RIC1: variants seen among roughly 807,000 people sequenced by gnomAD.
RIC1 encodes the protein RIC1 partner of RAB6A GEF complex, also known as guanine nucleotide exchange factor subunit RIC1.
In RIC1, 88 loss-of-function variants were observed where a neutral mutation model predicts 169.0. The observed-to-expected ratio is 0.52, with a 90% CI of 0.44 to 0.62. The LOEUF (loss-of-function observed/expected upper bound fraction) is 0.62, where lower values mean the gene tolerates loss of function less well. RIC1 is among the 20% of genes least tolerant of loss of function. The pLI, the probability that RIC1 is intolerant of heterozygous loss-of-function variation, is 0.00. For missense variants in RIC1, 1,877 were observed against 1,725.5 expected (o/e 1.09, Z -1.56); for synonymous variants, 790 against 601.5 (o/e 1.31, Z -4.59).
In RIC1 at chr9:5,732,482, A is replaced by G; in HGVS notation, c.812+3A>G. 6.3e-7 allele frequency: 1 copy of G among 1,594,638 alleles called. No individual in the cohort carries two copies. Among genetic ancestry groups the G allele is most frequent in the Non-Finnish European group, 8.6e-7 (1 of 1,168,672 alleles). On this transcript the variant is annotated splice_donor_region_variant and intron_variant, in intron 7 of 25. Transcript: ENST00000414202. ...CTAATGGCATTTGGCTGTGTGAGGT[A>G]TAATTGATGTAGGCTTTTGCATTTT...
chr9:5,637,622 C>T (rs866186667), intron 1 of RIC1, among the ~76,000 whole-genome samples: 13 of 152,316 alleles, frequency 8.5e-5, no homozygotes, highest in Admixed American at 2.6e-4. Flanking sequence ...TTACCTTTCT[C>T]AGCCTCTGGT....
intron 2 of RIC1, among the ~76,000 whole-genome samples, chr9:5,659,640 A>G (rs1358281695): frequency 2.0e-5 from 3 of 152,188 alleles, no homozygotes; most frequent in Non-Finnish European, 2.9e-5. Context: ...CTTCCAGCCT[A>G]TGAACATGCA....
intron 3 of RIC1, among the ~76,000 whole-genome samples, chr9:5,695,896 C>G (rs1199739730): frequency 6.6e-6 from 1 of 152,030 alleles, no homozygotes; most frequent in Non-Finnish European, 1.5e-5. Flanking sequence ...ATGTCAGATT[C>G]ATGTCTAAAC....
chr9:5,660,257 G>A (rs577178993), intron 2 of RIC1, among the ~76,000 whole-genome samples: 8 of 152,152 alleles, frequency 5.3e-5, no homozygotes, highest in African/African-American at 1.9e-4. Context: ...GTCTATCATC[G>A]GGGGACATTC....
At chr9:5,724,800 A>C (rs558393464) in intron 6 of RIC1, among the ~76,000 whole-genome samples, 1 of 152,306 alleles carries the variant, frequency 6.6e-6, no homozygotes, top group Non-Finnish European at 1.5e-5. Flanking sequence ...CCTTTTCTGC[A>C]TCTATTGAGA....
chr9:5,645,061 A>G (rs895184059), intron 1 of RIC1, among the ~76,000 whole-genome samples: 13 of 152,144 alleles, frequency 8.5e-5, no homozygotes, highest in African/African-American at 2.7e-4. Flanking sequence ...CGCTATACCT[A>G]TGTAGTTAAT....
chr9:5,765,879 A>C lies in RIC1; in HGVS notation c.3137+81A>C. 3 of 1,507,218 alleles carry C rather than the reference A, an allele frequency of 2.0e-6. No individual in the cohort carries two copies. In the South Asian group the frequency reaches 3.6e-5, roughly 18 times the overall value. 93.4% of individuals were successfully genotyped at this position (1,507,218 alleles called of 1,614,324 possible). ...CAAGACATTTACAAAATTAGGTCTTAATGGAAACAACTATTTAATCCAATT... is the reference window on the plus strand; with the variant it reads ...CAAGACATTTACAAAATTAGGTCTTCATGGAAACAACTATTTAATCCAATT... On this transcript the variant is annotated intron_variant, in intron 21 of 25. Transcript: ENST00000414202.
chr9:5,774,423 G>A lies in RIC1; in HGVS notation c.*177G>A, dbSNP rs1346399266. The A allele has an allele frequency of 7.8e-6, 4 of 510,998 alleles. No homozygotes were observed. The highest frequency in any genetic ancestry group is 1.3e-5 in the Non-Finnish European group (4 of 306,296). 31.7% of individuals were successfully genotyped at this position (510,998 alleles called of 1,614,324 possible). A position where few individuals can be genotyped will look rare whatever the true frequency, so the allele number is the denominator to read the frequency against. On this transcript the variant is annotated 3_prime_UTR_variant, in exon 26 of 26. Coordinates refer to ENST00000414202, the MANE Select transcript of RIC1 (RefSeq NM_020829.4). ...GAAATCTTTTTGACTCCATAAAAAT[G>A]TGATATAAAGCATCTTTCATAAAAA...
intron 6 of RIC1, among the ~76,000 whole-genome samples, chr9:5,724,918 T>C (rs537621651): frequency 6.8e-4 from 104 of 152,294 alleles, no homozygotes; most frequent in Non-Finnish European, 1.2e-3. Context: ...AACTTGATAG[T>C]GGTGGATAAG....
intron 1 of RIC1, among the ~76,000 whole-genome samples, chr9:5,629,683 C>G (rs1817623191): frequency 6.6e-6 from 1 of 152,162 alleles, no homozygotes; most frequent in Non-Finnish European, 1.5e-5. Context: ...CCGAAAATCC[C>G]TGAGCCTCCC....
chr9:5,633,652 C>T (rs1817829095), intron 1 of RIC1, among the ~76,000 whole-genome samples: 1 of 151,880 alleles, frequency 6.6e-6, no homozygotes, highest in Non-Finnish European at 1.5e-5. Flanking sequence ...TTAGATCTAC[C>T]CTGTGAGTTG....
At chr9:5,730,897 C>G (rs533350797) in intron 6 of RIC1, among the ~76,000 whole-genome samples, 1 of 152,048 alleles carries the variant, frequency 6.6e-6, no homozygotes, top group Non-Finnish European at 1.5e-5. Context: ...TACTACTTTC[C>G]TTTCACAACC....
chr9:5,632,882 T>C (rs1359091166), intron 1 of RIC1, among the ~76,000 whole-genome samples: 1 of 152,236 alleles, frequency 6.6e-6, no homozygotes, highest in Non-Finnish European at 1.5e-5. Context: ...TTAGCCATTC[T>C]AAATTAGATG....
chr9:5,691,102 T>TA (rs1205450325), intron 3 of RIC1, among the ~76,000 whole-genome samples: 1 of 151,990 alleles, frequency 6.6e-6, no homozygotes, highest in African/African-American at 2.4e-5. Context: ...GTTAACAAGT[T>TA]AACTGTGGTA....
intron 12 of RIC1, among the ~76,000 whole-genome samples, chr9:5,751,319 A>T (rs1054223158): frequency 2.6e-5 from 4 of 151,802 alleles, no homozygotes; most frequent in African/African-American, 9.7e-5. Context: ...GTGTACCATT[A>T]TTCTGAACTA....
chr9:5,701,893 T>C (rs1290874892), intron 3 of RIC1, among the ~76,000 whole-genome samples: 1 of 152,102 alleles, frequency 6.6e-6, no homozygotes, highest in African/African-American at 2.4e-5. Flanking sequence ...ACACTCAAAA[T>C]GTCAAAAAAC....
rs758760474 is a variant in RIC1 at position 5,770,084 on chromosome 9, C to T, written c.3425-3C>T. 1.1e-5 allele frequency: 18 copies of T among 1,607,896 alleles called. No homozygotes were observed. Among genetic ancestry groups the T allele is most frequent in the Middle Eastern group, 1.7e-4 (1 of 6,042 alleles). ...ATTTTTTGTTTTCGGACCCACTCTG[C>T]AGTGGGAGAGCAGCTGTTAAAGTCT... On this transcript the variant is annotated splice_polypyrimidine_tract_variant and splice_region_variant and intron_variant, in intron 22 of 25. Transcript: ENST00000414202.
At position 5,752,125 on chromosome 9, in the gene RIC1, C is replaced by T. The variant is rs115747820; in HGVS notation, c.1453-1075C>T. On this transcript the variant is annotated intron_variant, in intron 12 of 25. Coordinates refer to ENST00000414202, the MANE Select transcript of RIC1 (RefSeq NM_020829.4). Reference sequence around the variant, plus strand: ...AAATTTACTTTATCTACATTGATATCCCATGTCAATTATTTAAATTGAAAG... The same window carrying T: ...AAATTTACTTTATCTACATTGATATTCCATGTCAATTATTTAAATTGAAAG... Among the ~76,000 whole-genome samples, 786 of 152,198 alleles carry T rather than the reference C, an allele frequency of 5.2e-3. 13 individuals are homozygous for T. The highest frequency in any genetic ancestry group is 0.018 in the African/African-American group (759 of 41,518).
chr9:5,680,954 G>C (rs1230712453), intron 2 of RIC1, among the ~76,000 whole-genome samples: 5 of 146,152 alleles, frequency 3.4e-5, no homozygotes, highest in Non-Finnish European at 7.5e-5. Context: ...AGCCTCCCGA[G>C]TAGCTGGGAC....
Sources: gnomAD v4.1 joint callset for allele counts (sites outside exome capture counted in the v4.1 genomes callset) on GRCh38, gnomAD v4.1.1 for gene constraint, MANE v1.5 for transcripts, NCBI Gene and HGNC (gene_info 2026-07-23, HGNC 2026-07-21) for gene names.